SLIT3: variants seen among roughly 807,000 people sequenced by gnomAD.
SLIT3 encodes the protein slit homolog 3 protein.
Under a neutral mutation model 184.0 loss-of-function variants are expected in SLIT3, and 68 were observed. The observed-to-expected ratio is 0.37, with a 90% CI of 0.30 to 0.45. SLIT3 has a LOEUF of 0.45. Ranked by LOEUF, SLIT3 falls within the 20% of genes least tolerant of loss-of-function variation. The probability of loss-of-function intolerance (pLI) is 1.00; values close to 1 mark genes in which losing one functional copy is unlikely to be tolerated. For synonymous variants in SLIT3, 831 were observed against 828.6 expected, an observed-to-expected ratio of 1.00 and a Z score of -0.05; for missense variants, 1,707 against 2,026.0, an observed-to-expected ratio of 0.84 and a Z score of 3.02.
chr5:169,022,311 A>G (rs960738919), intron 4 of SLIT3: 2 of 152,186 alleles, frequency 1.3e-5, no homozygotes, highest in Admixed American at 1.3e-4. Flanking sequence ...TTCATTGGAC[A>G]CCAAGGTGGA....
chr5:168,714,452 G>A (rs1361327922), intron 23 of SLIT3, among the ~76,000 whole-genome samples: 2 of 152,066 alleles, frequency 1.3e-5, no homozygotes, highest in African/African-American at 4.8e-5. Context: ...GTGTGGTGGT[G>A]GGCGCCTGTA....
chr5:168,964,816 C>G (rs1039456932), intron 4 of SLIT3, among the ~76,000 whole-genome samples: 2 of 152,242 alleles, frequency 1.3e-5, no homozygotes, highest in African/African-American at 4.8e-5. Context: ...TAAGGCATGC[C>G]TGCTCTGTAT....
intron 7 of SLIT3, among the ~76,000 whole-genome samples, chr5:168,819,319 G>A (rs1254922009): frequency 1.3e-5 from 2 of 152,258 alleles, no homozygotes; most frequent in Non-Finnish European, 2.9e-5. Context: ...AGGCTTGGCA[G>A]TGGACTTTCA....
At chr5:168,994,861 T>G (rs1561595744) in intron 4 of SLIT3, among the ~76,000 whole-genome samples, 1 of 151,846 alleles carries the variant, frequency 6.6e-6, no homozygotes, top group Non-Finnish European at 1.5e-5. Context: ...AGGCTGGTCT[T>G]GAACTCCTGA....
At chr5:168,785,834 A>G (rs1380875778) in intron 12 of SLIT3, 73 bp downstream of exon 12, 3 of 1,100,798 alleles carry the variant, frequency 2.7e-6, no homozygotes, top group Non-Finnish European at 4.2e-6. Flanking sequence ...TCTCCAGAGC[A>G]TGGCTCAACG....
At chr5:169,023,642 TTC>T (rs1422718092) in intron 4 of SLIT3, 1 of 152,122 alleles carries the variant, frequency 6.6e-6, no homozygotes, top group East Asian at 1.9e-4. Flanking sequence ...GCTCTCACTC[TTC>T]TGTTATCTTC....
intron 4 of SLIT3, among the ~76,000 whole-genome samples, chr5:169,132,686 T>C (rs1323608289): frequency 6.6e-6 from 1 of 152,228 alleles, no homozygotes; most frequent in Non-Finnish European, 1.5e-5. Context: ...GGTCTGTATG[T>C]CTATTCTATT....
intron 3 of SLIT3, among the ~76,000 whole-genome samples, chr5:169,207,803 G>A (rs1372330347): frequency 1.3e-5 from 2 of 152,162 alleles, no homozygotes; most frequent in Non-Finnish European, 2.9e-5. Context: ...ACTGGGCCAT[G>A]AGGGTGGAGC....
At chr5:169,222,357 C>G (rs910812481) in intron 3 of SLIT3, among the ~76,000 whole-genome samples, 2 of 152,096 alleles carry the variant, frequency 1.3e-5, no homozygotes, top group Non-Finnish European at 2.9e-5. Flanking sequence ...CCTTGGGGCA[C>G]GTAGAAGGAA....
intron 4 of SLIT3, among the ~76,000 whole-genome samples, chr5:169,108,170 G>A (rs1760288105): frequency 6.6e-6 from 1 of 152,200 alleles, no homozygotes; most frequent in Non-Finnish European, 1.5e-5. Context: ...CAATGAACAT[G>A]CAGAGTAAAC....
intron 4 of SLIT3, among the ~76,000 whole-genome samples, chr5:169,000,517 TA>T (rs1228418689): frequency 1.4e-5 from 2 of 144,424 alleles, no homozygotes; most frequent in African/African-American, 5.2e-5. Flanking sequence ...AGAAGAACAA[TA>T]AAAAACTCAC....
chr5:169,199,556 C>T (rs78528570), intron 3 of SLIT3, among the ~76,000 whole-genome samples: 4,790 of 152,226 alleles, frequency 0.031, 128 homozygotes, highest in South Asian at 0.13. Flanking sequence ...AAACCATGAG[C>T]CAGGCATTGT....
intron 2 of SLIT3, among the ~76,000 whole-genome samples, chr5:169,249,101 T>G (rs1489099018): frequency 1.3e-5 from 2 of 152,314 alleles, no homozygotes; most frequent in East Asian, 3.9e-4. Flanking sequence ...GATAGTTGTC[T>G]AGGTTACTCA....
intron 16 of SLIT3, among the ~76,000 whole-genome samples, chr5:168,758,706 G>A (rs898669404): frequency 6.6e-6 from 1 of 152,186 alleles, no homozygotes; most frequent in African/African-American, 2.4e-5. Flanking sequence ...AGGGAGGAAA[G>A]CGATCTGAGT....
rs1159237668 is a variant in SLIT3, at chr5:169,032,900, C to T, written c.414-149564G>A. Reference sequence around the variant, plus strand: ...AAGCAAATTAACATAGCCATCATCTCATAAGTATCCATTTTTCCTTGATTT... The same window carrying T: ...AAGCAAATTAACATAGCCATCATCTTATAAGTATCCATTTTTCCTTGATTT... On this transcript the variant is annotated intron_variant, in intron 4 of 35. Transcript: ENST00000519560. Among the ~76,000 whole-genome samples, 43 of 143,156 alleles carry T rather than the reference C, an allele frequency of 3.0e-4. No homozygotes were observed. The Admixed American group carries it at 3.0e-3, about 10-fold the overall frequency. The allele number at this position is 143,156 out of a possible 152,430, so 93.9% of individuals were successfully genotyped here.
At chr5:168,747,210 T>A (rs180750830) in intron 20 of SLIT3, among the ~76,000 whole-genome samples, 1 of 152,292 alleles carries the variant, frequency 6.6e-6, no homozygotes, top group East Asian at 1.9e-4. Flanking sequence ...GGCAGCTTTC[T>A]CAGAGCTTCA....
chr5:168,825,239 C>G (rs569607356), intron 6 of SLIT3, among the ~76,000 whole-genome samples: 1 of 152,236 alleles, frequency 6.6e-6, no homozygotes, highest in East Asian at 1.9e-4. Context: ...CTCCAACCCC[C>G]ATGGAAATAG....
Position 168,714,088 on chromosome 5 carries a change from G to A in SLIT3, c.2484-1734C>T, listed in dbSNP as rs1298146304. Among the ~76,000 whole-genome samples, 4 of 152,194 alleles carry A rather than the reference G, an allele frequency of 2.6e-5. No individual in the cohort carries two copies. The East Asian group carries it at 5.8e-4, about 22-fold the overall frequency. On this transcript the variant is annotated intron_variant, in intron 23 of 35. Transcript: ENST00000519560. ...GAAAGTGAGCCTCAGTGCTTAGGCA[G>A]CTAGGACAGCAGGAAGATGGCAAAC... is the stretch of plus-strand genomic sequence containing the variant.
At chr5:169,003,196 G>A (rs1755780497) in intron 4 of SLIT3, among the ~76,000 whole-genome samples, 1 of 152,210 alleles carries the variant, frequency 6.6e-6, no homozygotes, top group African/African-American at 2.4e-5. Context: ...CAGTGTGTCT[G>A]AGCACGCACA....
Sources: gnomAD v4.1 joint callset for allele counts (sites outside exome capture counted in the v4.1 genomes callset) on GRCh38, gnomAD v4.1.1 for gene constraint, MANE v1.5 for transcripts, NCBI Gene and HGNC (gene_info 2026-07-23, HGNC 2026-07-21) for gene names.